Variants in AP2A2 observed in about 807,000 individuals in gnomAD.
AP2A2 encodes AP-2 complex subunit alpha-2.
Under a neutral mutation model 104.2 loss-of-function variants are expected in AP2A2, and 32 were observed. That is an observed-to-expected ratio of 0.31 (90% CI 0.23 to 0.41). AP2A2 has a LOEUF of 0.41. Among genes scored for constraint, AP2A2 ranks in the 10% least tolerant of loss-of-function variants. AP2A2 has a pLI of 1.00. For missense variants in AP2A2, 912 were observed against 1,261.0 expected, an observed-to-expected ratio of 0.72 and a Z score of 4.19; for synonymous variants, 539 against 533.3, an observed-to-expected ratio of 1.01 and a Z score of -0.15.
intron 1 of AP2A2, among the ~76,000 whole-genome samples, chr11:955,468 A>G (rs985506027): frequency 6.6e-6 from 1 of 152,172 alleles, no homozygotes; most frequent in Non-Finnish European, 1.5e-5. Context: ...GGGGATGCTG[A>G]GACGCTGGGC....
At chr11:940,170 T>A (rs1170747313) in intron 1 of AP2A2, among the ~76,000 whole-genome samples, 2 of 151,962 alleles carry the variant, frequency 1.3e-5, no homozygotes, top group Admixed American at 6.6e-5. Context: ...GCCAGGCTGG[T>A]CTTGAACTCC....
intron 14 of AP2A2, among the ~76,000 whole-genome samples, chr11:997,785 A>G (rs996767175): frequency 3.3e-5 from 5 of 152,280 alleles, no homozygotes; most frequent in East Asian, 3.8e-4. Context: ...TGTGCCTGTA[A>G]TCCCAGCTGC....
chr11:953,207 C>T (rs1470914686), intron 1 of AP2A2, among the ~76,000 whole-genome samples: 1 of 152,192 alleles, frequency 6.6e-6, no homozygotes, highest in African/African-American at 2.4e-5. Context: ...CCCAGTCGCC[C>T]AGTCTGGAGT....
chr11:953,707 C>T lies in AP2A2; in HGVS notation c.68-5730C>T, dbSNP rs566002029. On this transcript the variant is annotated intron_variant, in intron 1 of 21. Transcript: ENST00000448903. The stretch of plus-strand genomic sequence containing the variant: ...TTGCGTCGTCTCTGCTCAGTAGGGG[C>T]GCTGGGCCAGGTCACTCCATCCCTG... Among the ~76,000 whole-genome samples the T allele has an allele frequency of 3.9e-5, 6 of 152,198 alleles. No homozygotes were observed. In the East Asian group the frequency reaches 9.7e-4, roughly 25 times the overall value.
chr11:945,960 A>G (rs1327778951), intron 1 of AP2A2, among the ~76,000 whole-genome samples: 1 of 152,124 alleles, frequency 6.6e-6, no homozygotes, highest in Admixed American at 6.6e-5. Flanking sequence ...GGTTTAGAAA[A>G]CAGAATCAAC....
At chr11:963,230 A>G (rs1003014875) in intron 2 of AP2A2, among the ~76,000 whole-genome samples, 7 of 152,126 alleles carry the variant, frequency 4.6e-5, no homozygotes, top group African/African-American at 1.7e-4. Context: ...GTTTGAGACC[A>G]GCCTGACCAA....
chr11:941,614 G>A (rs1432017778), intron 1 of AP2A2, among the ~76,000 whole-genome samples: 1 of 150,824 alleles, frequency 6.6e-6, no homozygotes, highest in Non-Finnish European at 1.5e-5. Flanking sequence ...TTGAGATGGA[G>A]TCTCACTCTG....
chr11:930,655 G>C (rs1293636506), intron 1 of AP2A2, among the ~76,000 whole-genome samples: 6 of 152,020 alleles, frequency 3.9e-5, no homozygotes, highest in Admixed American at 3.9e-4. Context: ...CGAGTAGCTG[G>C]GACTACAGGT....
At chr11:972,839 G>A (rs1854880058) in intron 4 of AP2A2, among the ~76,000 whole-genome samples, 2 of 152,388 alleles carry the variant, frequency 1.3e-5, no homozygotes, top group Non-Finnish European at 2.9e-5. Context: ...AGGGCACTGG[G>A]TAGAACGATG....
chr11:971,129 GA>G (rs1564800456), intron 3 of AP2A2, among the ~76,000 whole-genome samples: 1 of 152,224 alleles, frequency 6.6e-6, no homozygotes, highest in Admixed American at 6.5e-5. Flanking sequence ...GTGTTGGGGG[GA>G]TGGGGGATTA....
At chr11:943,219 C>T (rs1012709341) in intron 1 of AP2A2, 3 of 152,126 alleles carry the variant, frequency 2.0e-5, no homozygotes, top group East Asian at 1.9e-4. Flanking sequence ...CTTCAACAGC[C>T]GAGCTCCCCG....
intron 6 of AP2A2, among the ~76,000 whole-genome samples, chr11:981,678 C>G (rs1472927619): frequency 6.6e-6 from 1 of 152,282 alleles, no homozygotes; most frequent in Non-Finnish European, 1.5e-5. Flanking sequence ...TTTTGTTTTG[C>G]TCAACATGGT....
rs781565133 is a variant in AP2A2, at chr11:1,011,458, C to A, written c.*833C>A. ...CAGGCCTGAGTCCTTCCACCGGCCCCGTCCAGTCGTCCCTGGAGGGGCTGT... is the reference window on the plus strand; with the variant it reads ...CAGGCCTGAGTCCTTCCACCGGCCCAGTCCAGTCGTCCCTGGAGGGGCTGT... On this transcript the variant is annotated 3_prime_UTR_variant, in exon 22 of 22. Coordinates refer to ENST00000448903, the MANE Select transcript of AP2A2 (RefSeq NM_012305.4). 2.0e-6 allele frequency: 1 copy of A among 496,034 alleles called. No homozygotes were observed. Among genetic ancestry groups the A allele is most frequent in the Non-Finnish European group, 4.0e-6 (1 of 248,822 alleles). 30.7% of individuals were successfully genotyped at this position (496,034 alleles called of 1,614,324 possible). A position where few individuals can be genotyped will look rare whatever the true frequency, so the allele number is the denominator to read the frequency against.
intron 6 of AP2A2, 94 bp from the exon 7 acceptor site, chr11:984,551 G>A: frequency 2.9e-6 from 3 of 1,048,814 alleles, no homozygotes; most frequent in Non-Finnish European, 4.4e-6. Context: ...TCCAGCTCAG[G>A]CGTGACCCGA....
intron 5 of AP2A2, among the ~76,000 whole-genome samples, chr11:978,501 T>C (rs1448987423): frequency 6.6e-6 from 1 of 152,170 alleles, no homozygotes; most frequent in Non-Finnish European, 1.5e-5. Flanking sequence ...CTGGCTTTAT[T>C]TCACCAGGCA....
rs568214156 is a variant in AP2A2 at position 925,872 on chromosome 11, A to G, written c.-150A>G. The stretch of plus-strand genomic sequence containing the variant: ...TACGTGCGCGCGCGCGGCGGCCCAG[A>G]AAGCGGCGCTGGGACCCTGAGGCGG... On this transcript the variant is annotated 5_prime_UTR_variant, in exon 1 of 22. Coordinates refer to ENST00000448903, the MANE Select transcript of AP2A2 (RefSeq NM_012305.4). 3.3e-5 allele frequency: 15 copies of G among 454,076 alleles called. No individual in the cohort carries two copies. The highest frequency in any genetic ancestry group is 9.4e-5 in the South Asian group (1 of 10,678). 28.1% of individuals were successfully genotyped at this position (454,076 alleles called of 1,614,324 possible).
At chr11:972,343 A>T in intron 4 of AP2A2, 88 bp downstream of exon 4, 3 of 1,331,102 alleles carry the variant, frequency 2.3e-6, no homozygotes, top group Non-Finnish European at 1.0e-6. Context: ...TAGCCTAGGA[A>T]ATGTTTTACT....
chr11:1,008,407 A>C (rs2133792012), intron 18 of AP2A2: 10 of 409,340 alleles, frequency 2.4e-5, no homozygotes, highest in East Asian at 8.9e-5. Flanking sequence ...GGCCCACCTC[A>C]TGGGGTGGCA....
intron 1 of AP2A2, among the ~76,000 whole-genome samples, chr11:948,072 A>T (rs772639561): frequency 1.5e-4 from 23 of 152,236 alleles, no homozygotes; most frequent in Non-Finnish European, 3.1e-4. Context: ...ATTAAAAAAG[A>T]TCTCAAATCA....
Sources: gnomAD v4.1 joint callset for allele counts (sites outside exome capture counted in the v4.1 genomes callset) on GRCh38, gnomAD v4.1.1 for gene constraint, MANE v1.5 for transcripts, NCBI Gene and HGNC (gene_info 2026-07-23, HGNC 2026-07-21) for gene names.